The following RARB variants were observed in gnomAD, a reference collection of about 807,000 sequenced individuals.
RARB encodes HBV-activated protein.
Under a neutral mutation model 51.9 loss-of-function variants are expected in RARB, and 17 were observed. That is an observed-to-expected ratio of 0.33 (90% CI 0.22 to 0.49). RARB has a LOEUF of 0.49. Among genes scored for constraint, RARB ranks in the 20% least tolerant of loss-of-function variants. RARB has a pLI of 0.99. For missense variants in RARB, 369 were observed against 550.8 expected, an observed-to-expected ratio of 0.67 and a Z score of 3.30; for synonymous variants, 215 against 195.4, an observed-to-expected ratio of 1.10 and a Z score of -0.84.
intron 3 of RARB, among the ~76,000 whole-genome samples, chr3:25,519,995 T>C (rs1278889248): frequency 1.3e-5 from 2 of 152,080 alleles, no homozygotes; most frequent in Non-Finnish European, 2.9e-5. Context: ...TAATCAGGGG[T>C]CAGCCTATGA....
intron 4 of RARB, among the ~76,000 whole-genome samples, chr3:25,147,906 A>G (rs1456835911): frequency 6.6e-6 from 1 of 152,206 alleles, no homozygotes; most frequent in Non-Finnish European, 1.5e-5. Flanking sequence ...TTCTTCCTAC[A>G]TTGAATACAT....
At chr3:25,172,368 G>A (rs1266275605) in intron 4 of RARB, among the ~76,000 whole-genome samples, 2 of 151,982 alleles carry the variant, frequency 1.3e-5, no homozygotes, top group African/African-American at 4.8e-5. Flanking sequence ...ACATTGAGGG[G>A]AATTCATTGA....
chr3:25,485,553 C>A (rs1399992256), intron 2 of RARB, among the ~76,000 whole-genome samples: 1 of 152,036 alleles, frequency 6.6e-6, no homozygotes, highest in African/African-American at 2.4e-5. Flanking sequence ...AACCCACTAC[C>A]TTCAGACTTG....
At chr3:25,425,518 CATATT>C (rs772247514), upstream of RARB, among the ~76,000 whole-genome samples, 16 of 152,140 alleles carry the variant, frequency 1.1e-4, no homozygotes, top group African/African-American at 2.9e-4. Flanking sequence ...CGAATATTGT[CATATT>C]ATAAGAAACC....
intron 2 of RARB, among the ~76,000 whole-genome samples, chr3:24,902,465 C>A (rs1305711643): frequency 1.3e-5 from 2 of 152,186 alleles, no homozygotes; most frequent in Middle Eastern, 3.4e-3. Context: ...CCTCCCAAAT[C>A]TTGGCTTATT....
chr3:25,479,198 T>C (rs1696109749), intron 2 of RARB, among the ~76,000 whole-genome samples: 1 of 152,122 alleles, frequency 6.6e-6, no homozygotes, highest in African/African-American at 2.4e-5. Context: ...TTTCGTGAAG[T>C]ACAGTGTGTC....
At chr3:24,885,129 T>A (rs1703243750) in intron 2 of RARB, among the ~76,000 whole-genome samples, 1 of 152,004 alleles carries the variant, frequency 6.6e-6, no homozygotes. Flanking sequence ...AGAGGAAGCT[T>A]TGGGAATAAA....
intron 2 of RARB, among the ~76,000 whole-genome samples, chr3:25,479,386 G>A (rs1696119145): frequency 6.6e-6 from 1 of 152,092 alleles, no homozygotes; most frequent in South Asian, 2.1e-4. Flanking sequence ...ATGGTATTAT[G>A]CAGTCCATGC....
intron 2 of RARB, among the ~76,000 whole-genome samples, chr3:25,489,777 A>G (rs1160700085): frequency 2.0e-5 from 3 of 152,236 alleles, no homozygotes; most frequent in Non-Finnish European, 4.4e-5. Flanking sequence ...CACTGAGCAG[A>G]GAGAAAACAC....
At chr3:25,326,413 G>C (rs926652240) in intron 5 of RARB, among the ~76,000 whole-genome samples, 2 of 152,152 alleles carry the variant, frequency 1.3e-5, no homozygotes, top group African/African-American at 4.8e-5. Flanking sequence ...AGGACCTCTG[G>C]AAAGACAAGA....
At chr3:25,357,327 C>G (rs1705773435) in intron 5 of RARB, among the ~76,000 whole-genome samples, 1 of 152,234 alleles carries the variant, frequency 6.6e-6, no homozygotes, top group East Asian at 1.9e-4. Flanking sequence ...TCAAAAGTAT[C>G]TGCTCATATC....
At chr3:25,039,708 G>A (rs1264995873) in intron 2 of RARB, among the ~76,000 whole-genome samples, 1 of 152,188 alleles carries the variant, frequency 6.6e-6, no homozygotes, top group African/African-American at 2.4e-5. Flanking sequence ...TAAATTTGGA[G>A]GTAGAACTTT....
intron 5 of RARB, among the ~76,000 whole-genome samples, chr3:25,296,973 G>A (rs974837700): frequency 6.6e-6 from 1 of 152,170 alleles, no homozygotes; most frequent in Non-Finnish European, 1.5e-5. Flanking sequence ...GATTCCTAGA[G>A]ACTTTGAGTT....
chr3:25,537,871 C>G (rs1270041542), intron 3 of RARB, among the ~76,000 whole-genome samples: 2 of 152,164 alleles, frequency 1.3e-5, no homozygotes, highest in Admixed American at 1.3e-4. Context: ...ACCCCAAAAT[C>G]TTAGCCTGCC....
At chr3:25,495,182 TAGA>T (rs1018231857) in intron 2 of RARB, among the ~76,000 whole-genome samples, 2 of 152,050 alleles carry the variant, frequency 1.3e-5, no homozygotes, top group African/African-American at 4.8e-5. Context: ...ATCTGAAAAT[TAGA>T]AGGTGAAACG....
chr3:25,179,500 A>G (rs1176524286), intron 5 of RARB, among the ~76,000 whole-genome samples: 1 of 152,208 alleles, frequency 6.6e-6, no homozygotes, highest in Non-Finnish European at 1.5e-5. Flanking sequence ...GTGAAAGTCA[A>G]ACATAATAGT....
chr3:25,243,950 T>C (rs1385253868), intron 5 of RARB, among the ~76,000 whole-genome samples: 4 of 152,194 alleles, frequency 2.6e-5, no homozygotes, highest in Non-Finnish European at 4.4e-5. Flanking sequence ...TGGGCTCTTT[T>C]TAATTGATAG....
At position 24,865,560 on chromosome 3, in the gene RARB, G is replaced by A. The variant is rs116518813; in HGVS notation, c.-380+6808G>A. On this transcript the variant is annotated intron_variant, in intron 2 of 11. Transcript: ENST00000383772. ...CCCAAGCAGTCTGGTTCCAGAGACC[G>A]TGCTTTACTGAGTCTCACGTAGCCC... Among the ~76,000 whole-genome samples the A allele has an allele frequency of 8.0e-3, 1,219 of 152,196 alleles. 16 individuals are homozygous for A. The highest frequency in any genetic ancestry group is 0.025 in the African/African-American group (1,033 of 41,514).
rs71622787 is a variant in RARB, at chr3:24,912,972, A to ATTATTTTTTTTTTTTTTTTTTTTT, written c.-380+54222_-380+54223insATTTTTTTTTTTTTTTTTTTTTTT. 3.5e-5 allele frequency among the ~76,000 whole-genome samples: 2 copies of ATTATTTTTTTTTTTTTTTTTTTTT among 57,636 alleles called. 1 individual carries two copies. The highest frequency in any genetic ancestry group is 7.3e-5 in the Non-Finnish European group (2 of 27,522). The allele number at this position is 57,636 out of a possible 152,430, so 37.8% of individuals were successfully genotyped here. A position where few individuals can be genotyped will look rare whatever the true frequency, so the allele number is the denominator to read the frequency against. ...GTGGCAATACGCACACAAGGTACTG[A>ATTATTTTTTTTTTTTTTTTTTTTT]TTCTTTTTTTTTTTTTTTTTTTTTT... On this transcript the variant is annotated intron_variant, in intron 2 of 11. Coordinates refer to the RARB transcript ENST00000383772.
Sources: gnomAD v4.1 joint callset for allele counts (sites outside exome capture counted in the v4.1 genomes callset) on GRCh38, gnomAD v4.1.1 for gene constraint, MANE v1.5 for transcripts, NCBI Gene and HGNC (gene_info 2026-07-23, HGNC 2026-07-21) for gene names.